Variants in SH3D21 observed in about 807,000 individuals in gnomAD.
SH3D21 encodes manchette microtubule inner protein 1, also known as SH3 domain-containing protein 21.
In SH3D21, 83 loss-of-function variants were observed where a neutral mutation model predicts 82.1. The ratio of observed to expected loss-of-function variants is 1.01; its 90% CI spans 0.85 to 1.21. The LOEUF is 1.21. Ranked by LOEUF, SH3D21 falls within the 50% of genes most tolerant of loss-of-function variation. SH3D21 has a pLI of 0.00. For synonymous variants in SH3D21, 383 were observed against 387.8 expected, an observed-to-expected ratio of 0.99 and a Z score of 0.15; for missense variants, 980 against 962.1, an observed-to-expected ratio of 1.02 and a Z score of -0.25.
Position 36,306,883 on chromosome 1 carries a change from GC to G in SH3D21, c.206del (p.Pro69ArgfsTer22), listed in dbSNP as rs1226327190. 4.6e-6 allele frequency: 6 copies of G among 1,305,656 alleles called. No individual in the cohort carries two copies. The African/African-American group carries it at 9.3e-5, about 20-fold the overall frequency. The allele number at this position is 1,305,656 out of a possible 1,614,324, so 80.9% of individuals were successfully genotyped here. On this transcript the variant is annotated frameshift_variant, in exon 3 of 16. Coordinates refer to ENST00000453908, the MANE Select transcript of SH3D21 (RefSeq NM_001162530.2). LOFTEE classifies it high-confidence loss of function. The surrounding 1 kb of genome is among the most constrained non-coding windows in gnomAD (Gnocchi z 4.5). ...TGCGGGGCTCCGGAGAGGCGCGGAG[GC>G]CGCGCTGTGCGCGCCGCCGAGGTGA... Reference protein sequence around the residue: ...TLRGSGEARRPRCARRRGHPA... With the variant: ...TLRGSGEARRXRCARRRGHPA...
intron 14 of SH3D21, 26 bp from the exon 15 acceptor site, chr1:36,320,888 GC>G: frequency 6.4e-7 from 1 of 1,555,056 alleles, no homozygotes; most frequent in Non-Finnish European, 8.7e-7. Flanking sequence ...CACCTGCCCA[GC>G]CCCTCACCTC....
At chr1:36,310,759 TTA>T (rs1646222917) in intron 10 of SH3D21, among the ~76,000 whole-genome samples, 2 of 152,212 alleles carry the variant, frequency 1.3e-5, no homozygotes, top group Non-Finnish European at 2.9e-5. Context: ...GTCTTCAATT[TTA>T]TGTTTATGGT....
At chr1:36,321,558 C>G, downstream of SH3D21, 1 of 744,358 alleles carries the variant, frequency 1.3e-6, no homozygotes, top group Non-Finnish European at 1.7e-6. The surrounding 1 kb of genome is among the most constrained non-coding windows in gnomAD (Gnocchi z 6.1). Flanking sequence ...CCCCTCCCAG[C>G]TGGCCTCCCT....
downstream of SH3D21, chr1:36,324,455 T>G (rs1023870458): frequency 6.6e-6 from 1 of 152,240 alleles, no homozygotes; most frequent in Non-Finnish European, 1.5e-5. Flanking sequence ...CTGCCCTGTC[T>G]CCACGGGGCC....
At chr1:36,314,885 C>T (rs982702341) in intron 10 of SH3D21, among the ~76,000 whole-genome samples, 9 of 152,150 alleles carry the variant, frequency 5.9e-5, no homozygotes, top group Non-Finnish European at 1.0e-4. Context: ...CTGCCTTCAA[C>T]TTAGCCAGTT....
At position 36,307,267 on chromosome 1, in the gene SH3D21, C is replaced by T; in HGVS notation, c.327C>T (p.Ile109=). Residue 109 remains isoleucine, a synonymous_variant, in exon 4 of 16, where the codon ATC becomes ATT. Transcript: ENST00000453908. This position sits in a 1 kb window ranked among gnomAD's most constrained non-coding sequence, Gnocchi z 5.4. The stretch of plus-strand genomic sequence containing the variant: ...AGCTGAAGCTGCAAGCTGGGGAGAT[C>T]GTGGAAATGATAAAGGAGGTGAGGG... ...ADELKLQAGE[I]VEMIKEIEDG... is the part of the protein sequence containing the mutation. 2 of 1,551,678 alleles carry T rather than the reference C, an allele frequency of 1.3e-6. No individual in the cohort carries two copies. Among genetic ancestry groups the T allele is most frequent in the Non-Finnish European group, 1.7e-6 (2 of 1,147,012 alleles).
At chr1:36,308,312 C>T (rs954606940) in intron 8 of SH3D21, 77 bp from the exon 9 acceptor site, 6 of 1,486,252 alleles carry the variant, frequency 4.0e-6, no homozygotes, top group African/African-American at 1.4e-5. Context: ...GAAATTATAT[C>T]CATAAGAAGG....
Position 36,306,571 on chromosome 1 carries a change from C to G in SH3D21, c.5-27C>G. On this transcript the variant is annotated intron_variant, in intron 1 of 15. Transcript: ENST00000453908. The surrounding 1 kb of genome is among the most constrained non-coding windows in gnomAD (Gnocchi z 4.5). ...TGCCCGGCTGGGCCTTTCTGAGCCG[C>G]ACGCCGGCCCCGTCTTCCGCCCGCA... The G allele has an allele frequency of 7.7e-7, 1 of 1,302,464 alleles. No individual in the cohort carries two copies. Among genetic ancestry groups the G allele is most frequent in the African/African-American group, 1.5e-5 (1 of 65,856 alleles). 80.7% of individuals were successfully genotyped at this position (1,302,464 alleles called of 1,614,324 possible). A position where few individuals can be genotyped will look rare whatever the true frequency, so the allele number is the denominator to read the frequency against.
intron 9 of SH3D21, among the ~76,000 whole-genome samples, chr1:36,308,730 T>A (rs1646180733): frequency 6.6e-6 from 1 of 152,174 alleles, no homozygotes; most frequent in Admixed American, 6.5e-5. Flanking sequence ...ACGCCTGTAA[T>A]CCCAGCACTT....
chr1:36,320,355 T>G lies in SH3D21; in HGVS notation c.1692T>G (p.Ala564=). Reference sequence around the variant, plus strand: ...GAGGGGACAGCTCCCCACGCCAGGCTGAGTTGAAGTCTGGGCCAGCATCCA... The same window carrying G: ...GAGGGGACAGCTCCCCACGCCAGGCGGAGTTGAAGTCTGGGCCAGCATCCA... ...LVRGDSSPRQ[A]ELKSGPASRP... is the part of the protein sequence containing the mutation. Residue 564 remains alanine, a synonymous_variant, in exon 14 of 16, where the codon GCT becomes GCG. Transcript: ENST00000453908. 6.2e-7 allele frequency: 1 copy of G among 1,613,294 alleles called. No individual in the cohort carries two copies.
chr1:36,315,640 C>A (rs1292975799), intron 10 of SH3D21, among the ~76,000 whole-genome samples: 1 of 152,178 alleles, frequency 6.6e-6, no homozygotes, highest in Non-Finnish European at 1.5e-5. Context: ...TGAACCACTG[C>A]ACCCGGCCTG....
chr1:36,322,512 G>A (rs532193645), downstream of SH3D21: 25 of 1,601,466 alleles, frequency 1.6e-5, no homozygotes, highest in East Asian at 4.7e-4. Context: ...GCCCGGCAGC[G>A]TGTCGTCGGG....
downstream of SH3D21, chr1:36,323,921 C>T (rs749921834): frequency 1.6e-4 from 25 of 152,390 alleles, no homozygotes; most frequent in Middle Eastern, 3.4e-3. Context: ...GACGTGATAC[C>T]ATTATCCCCA....
Position 36,307,725 on chromosome 1 carries a change from A to G in SH3D21, c.437-45A>G, listed in dbSNP as rs1427929397. On this transcript the variant is annotated intron_variant, in intron 5 of 15. Transcript: ENST00000453908. The surrounding 1 kb of genome is among the most constrained non-coding windows in gnomAD (Gnocchi z 5.4). ...CCCCTCTGACCCTCTCCCATGACCT[A>G]ACCTGTGAATTAGCACCCTCCCTAA... 1 of 1,546,814 alleles carries G rather than the reference A, an allele frequency of 6.5e-7. No homozygotes were observed. The highest frequency in any genetic ancestry group is 1.2e-5 in the South Asian group (1 of 83,408).
Position 36,307,157 on chromosome 1 carries a change from C to A in SH3D21, c.227-10C>A. 6.4e-7 allele frequency: 1 copy of A among 1,551,472 alleles called. No individual in the cohort carries two copies. The highest frequency in any genetic ancestry group is 2.0e-5 in the Admixed American group (1 of 51,012). Reference sequence around the variant, plus strand: ...CCGACTGGAGCTCAGCCGCGCTTGTCCGGTGCTAGGTCATCCTGCCAAACA... The same window carrying A: ...CCGACTGGAGCTCAGCCGCGCTTGTACGGTGCTAGGTCATCCTGCCAAACA... On this transcript the variant is annotated splice_polypyrimidine_tract_variant and intron_variant, in intron 3 of 15. Transcript: ENST00000453908. The surrounding 1 kb of genome is among the most constrained non-coding windows in gnomAD (Gnocchi z 5.4).
At chr1:36,313,291 A>G (rs1390619077) in intron 10 of SH3D21, among the ~76,000 whole-genome samples, 2 of 151,026 alleles carry the variant, frequency 1.3e-5, no homozygotes, top group African/African-American at 2.4e-5. Context: ...GCGTCACTGC[A>G]CTCCAGCCTG....
rs1429471356 is a variant in SH3D21, at chr1:36,306,921, G to A, written c.226+16G>A. On this transcript the variant is annotated intron_variant, in intron 3 of 15. Coordinates refer to ENST00000453908, the MANE Select transcript of SH3D21 (RefSeq NM_001162530.2). This position sits in a 1 kb window ranked among gnomAD's most constrained non-coding sequence, Gnocchi z 4.5. ...CGCCGCCGAGGTGAGCGCAAGGGCGGGGACGGGCGCCGGTGGGCGGGTGCA... is the reference window on the plus strand; with the variant it reads ...CGCCGCCGAGGTGAGCGCAAGGGCGAGGACGGGCGCCGGTGGGCGGGTGCA... The A allele has an allele frequency of 7.6e-7, 1 of 1,323,874 alleles. No individual in the cohort carries two copies. The highest frequency in any genetic ancestry group is 4.7e-5 in the East Asian group (1 of 21,198). 82.0% of individuals were successfully genotyped at this position (1,323,874 alleles called of 1,614,324 possible). A position where few individuals can be genotyped will look rare whatever the true frequency, so the allele number is the denominator to read the frequency against.
In SH3D21 at chr1:36,309,553, G is replaced by A. The variant is rs1646196482; in HGVS notation, c.732G>A (p.Lys244=). ...TTTACTTCTTTTCGGCATAGATCAAGAAGCTGGTCCCACGGAAAGTGGTAT... is the reference window on the plus strand; with the variant it reads ...TTTACTTCTTTTCGGCATAGATCAAAAAGCTGGTCCCACGGAAAGTGGTAT... ...DNFVLPPPPI[K]KLVPRKVVSR... is the part of the protein sequence containing the mutation. The change falls in exon 10 of 16, where the codon AAG becomes AAA. Residue 244 remains lysine (K), a synonymous_variant. Transcript: ENST00000453908. 6.4e-7 allele frequency: 1 copy of A among 1,551,558 alleles called. No individual in the cohort carries two copies. The highest frequency in any genetic ancestry group is 8.7e-7 in the Non-Finnish European group (1 of 1,146,958).
chr1:36,314,751 T>C (rs1463799400), intron 10 of SH3D21, among the ~76,000 whole-genome samples: 4 of 152,186 alleles, frequency 2.6e-5, no homozygotes. Flanking sequence ...TCTTTTCACT[T>C]TCTTCGATGG....
Sources: gnomAD v4.1 joint callset for allele counts (sites outside exome capture counted in the v4.1 genomes callset) on GRCh38, gnomAD v4.1.1 for gene constraint, Gnocchi (gnomAD v3.1) non-coding constraint, MANE v1.5 for transcripts, NCBI Gene and HGNC (gene_info 2026-07-23, HGNC 2026-07-21) for gene names.